The following ERICH1 variants were observed in gnomAD, a reference collection of about 807,000 sequenced individuals.
ERICH1 encodes the protein glutamate-rich protein 1.
A neutral mutation model predicts 39.6 loss-of-function variants in ERICH1; 56 were observed. The observed-to-expected ratio is 1.41, with a 90% CI of 1.14 to 1.77. The LOEUF (loss-of-function observed/expected upper bound fraction) is 1.77. ERICH1 is among the 40% of genes most tolerant of loss of function. The pLI is 0.00. For synonymous variants in ERICH1, 313 were observed against 223.6 expected (o/e 1.40, Z -3.57); for missense variants, 826 against 575.4 (o/e 1.44, Z -4.45).
At chr8:654,705 T>TC (rs980774471) in intron 3 of ERICH1, among the ~76,000 whole-genome samples, 4 of 151,670 alleles carry the variant, frequency 2.6e-5, no homozygotes, top group Non-Finnish European at 5.9e-5. Flanking sequence ...CACAGTGACA[T>TC]CCCCCCCAGG....
In ERICH1 at chr8:673,427, C is replaced by A; in HGVS notation, c.925G>T (p.Ala309Ser). 2 of 1,613,668 alleles carry A rather than the reference C, an allele frequency of 1.2e-6. No homozygotes were observed. Among genetic ancestry groups the A allele is most frequent in the Non-Finnish European group, 1.7e-6 (2 of 1,179,928 alleles). Residue 309 changes from alanine (A) to serine (S), a missense_variant, in exon 4 of 6, where the codon GCT becomes TCT. Physicochemically the swap from Ala to Ser is moderately conservative, Grantham distance 99. Transcript: ENST00000262109. Reference sequence around the variant, plus strand: ...GAGTCTGCACCCTCTTCCTCCCCAGCCCATGTCGGGTCTTCCTCGCTGGCG... The same window carrying A: ...GAGTCTGCACCCTCTTCCTCCCCAGACCATGTCGGGTCTTCCTCGCTGGCG... ...ADASEEDPTW[A>S]GEEEGADSGE...
chr8:659,788 C>T (rs1297565102), downstream of ERICH1, among the ~76,000 whole-genome samples: 17 of 25,728 alleles, frequency 6.6e-4, no homozygotes, highest in African/African-American at 4.6e-3. Flanking sequence ...GTGCACTGAC[C>T]ATCCTGGGGA....
chr8:653,198 C>A (rs981961820), intron 3 of ERICH1, among the ~76,000 whole-genome samples: 7 of 152,234 alleles, frequency 4.6e-5, no homozygotes, highest in Admixed American at 1.3e-4. Context: ...GAAAACAGCA[C>A]CATGTCCATC....
chr8:662,504 CAT>C (rs1227821874), downstream of ERICH1, among the ~76,000 whole-genome samples: 1 of 151,990 alleles, frequency 6.6e-6, no homozygotes, highest in African/African-American at 2.4e-5. Flanking sequence ...CAAAATTAGT[CAT>C]GTGTGGTGGC....
chr8:722,140 A>G (rs1303847463), intron 1 of ERICH1, among the ~76,000 whole-genome samples: 1 of 152,096 alleles, frequency 6.6e-6, no homozygotes, highest in Non-Finnish European at 1.5e-5. Flanking sequence ...CAGCAGCAAG[A>G]GCAAGTTTTA....
At chr8:667,790 C>A (rs11136988) in intron 5 of ERICH1, 22,601 of 152,548 alleles carry the variant, frequency 0.15, 2,341 homozygotes, top group East Asian at 0.38. Flanking sequence ...CTGGTCTTGA[C>A]CCCTCAGCAA....
At chr8:637,493 G>A (rs1703931) in intron 3 of ERICH1, 24,611 of 152,268 alleles carry the variant, frequency 0.16, 2,540 homozygotes, top group East Asian at 0.36. Flanking sequence ...GAGCCGGCTC[G>A]CCTACAATCA....
downstream of ERICH1, among the ~76,000 whole-genome samples, chr8:660,704 G>C (rs191844971): frequency 8.3e-4 from 127 of 152,308 alleles, no homozygotes; most frequent in Middle Eastern, 3.4e-3. Context: ...CTCCATCCCT[G>C]GCCCTGGCCC....
chr8:680,801 G>A (rs1240048167), intron 3 of ERICH1, among the ~76,000 whole-genome samples: 2 of 152,238 alleles, frequency 1.3e-5, no homozygotes, highest in Non-Finnish European at 2.9e-5. Context: ...CTGACAGTGT[G>A]TGAGAGAGCC....
chr8:685,635 T>C (rs1480408444), intron 3 of ERICH1, among the ~76,000 whole-genome samples: 1 of 152,230 alleles, frequency 6.6e-6, no homozygotes, highest in African/African-American at 2.4e-5. Context: ...CTAACAAATG[T>C]CCATGAAATC....
chr8:652,213 A>G (rs576819651), intron 3 of ERICH1, among the ~76,000 whole-genome samples: 62 of 151,910 alleles, frequency 4.1e-4, no homozygotes, highest in African/African-American at 1.4e-3. Context: ...ACGCCTGAAG[A>G]CCTTACTTCC....
rs1328157583 is a variant in ERICH1, at chr8:648,996, G to C, written c.976+19602C>G. ...TTTTTAAGTGGATTAGTTCCAGTGG[G>C]TGTGTTCAGGGATATTTGCATACTA... On this transcript the variant is annotated intron_variant, in intron 3 of 3. Transcript: ENST00000522706. Among the ~76,000 whole-genome samples, 4 of 69,000 alleles carry C rather than the reference G, an allele frequency of 5.8e-5. 2 individuals carry two copies. The highest frequency in any genetic ancestry group is 1.5e-4 in the African/African-American group (4 of 27,378). 45.3% of individuals were successfully genotyped at this position (69,000 alleles called of 152,430 possible).
intron 2 of ERICH1, among the ~76,000 whole-genome samples, chr8:699,216 G>C (rs1442732296): frequency 1.3e-5 from 2 of 152,094 alleles, no homozygotes; most frequent in Non-Finnish European, 2.9e-5. Flanking sequence ...AGATGTGTAA[G>C]GCTGGTTATC....
intron 1 of ERICH1, among the ~76,000 whole-genome samples, chr8:719,457 G>A (rs933701501): frequency 6.6e-6 from 1 of 152,274 alleles, no homozygotes; most frequent in African/African-American, 2.4e-5. Flanking sequence ...ACATCTGGCT[G>A]AGATGCTTCT....
chr8:705,522 C>G (rs995370785), intron 2 of ERICH1, among the ~76,000 whole-genome samples: 2 of 152,136 alleles, frequency 1.3e-5, no homozygotes, highest in Non-Finnish European at 2.9e-5. Flanking sequence ...TAGAAGGGAA[C>G]TTCTTCAACA....
chr8:636,524 C>T (rs989446738), intron 3 of ERICH1, among the ~76,000 whole-genome samples: 3 of 152,278 alleles, frequency 2.0e-5, no homozygotes, highest in African/African-American at 7.2e-5. Context: ...CACGTGGGCC[C>T]AACAGAGTCT....
intron 3 of ERICH1, among the ~76,000 whole-genome samples, chr8:688,322 C>A (rs1239486874): frequency 1.7e-5 from 2 of 115,418 alleles, no homozygotes; most frequent in Admixed American, 8.5e-5. Flanking sequence ...CGGGCCACCC[C>A]ACCTCGGCGC....
In ERICH1 at chr8:646,533, C is replaced by T. The variant is rs935232899; in HGVS notation, c.976+22065G>A. On this transcript the variant is annotated intron_variant, in intron 3 of 3. Transcript: ENST00000522706. ...TATTCCCAAGTAAGAAAACTGGCAT[C>T]GGGGGGAACTGATGGAAGTTGCCAG... 1.7e-4 allele frequency among the ~76,000 whole-genome samples: 12 copies of T among 68,820 alleles called. 5 individuals carry two copies. Among genetic ancestry groups the T allele is most frequent in the Admixed American group, 8.8e-4 (7 of 7,968 alleles). 45.1% of individuals were successfully genotyped at this position (68,820 alleles called of 152,430 possible).
intron 2 of ERICH1, among the ~76,000 whole-genome samples, chr8:711,640 G>A (rs1469474176): frequency 6.6e-6 from 1 of 152,054 alleles, no homozygotes; most frequent in East Asian, 1.9e-4. Flanking sequence ...TGGGACTACA[G>A]GCGCCCGCCA....
Sources: gnomAD v4.1 joint callset for allele counts (sites outside exome capture counted in the v4.1 genomes callset) on GRCh38, gnomAD v4.1.1 for gene constraint, MANE v1.5 for transcripts, NCBI Gene and HGNC (gene_info 2026-07-23, HGNC 2026-07-21) for gene names.